The following ARAP2 variants were observed in gnomAD, a reference collection of about 807,000 sequenced individuals.
The protein encoded by ARAP2 is ArfGAP with RhoGAP domain, ankyrin repeat and PH domain 2.
A neutral mutation model predicts 194.5 loss-of-function variants in ARAP2; 148 were observed. The ratio of observed to expected loss-of-function variants is 0.76; its 90% CI spans 0.67 to 0.87. ARAP2 has a LOEUF of 0.87. ARAP2 is among the 40% of genes least tolerant of loss of function. ARAP2 has a pLI of 0.00. For missense variants in ARAP2, 2,128 were observed against 1,989.7 expected (o/e 1.07, Z -1.32); for synonymous variants, 695 against 683.5 (o/e 1.02, Z -0.26).
chr4:36,092,105 T>G, intron 27 of ARAP2, 85 bp from the exon 28 acceptor site: 1 of 1,376,780 alleles, frequency 7.3e-7, no homozygotes, highest in Non-Finnish European at 9.7e-7. Context: ...TATTGTCATA[T>G]AGAAAAAATA....
chr4:36,025,587 A>C (rs1717758382), intron 5 of ARAP2, among the ~76,000 whole-genome samples: 1 of 152,020 alleles, frequency 6.6e-6, no homozygotes, highest in Non-Finnish European at 1.5e-5. Context: ...TTCAATCTCA[A>C]TTTTTGGACG....
Position 36,229,489 on chromosome 4 carries a change from T to C in ARAP2, c.-3A>G, listed in dbSNP as rs137867207. 1,180 of 1,596,742 alleles carry C rather than the reference T, an allele frequency of 7.4e-4. 1 individual carries two copies. The highest frequency in any genetic ancestry group is 3.1e-3 in the Admixed American group (183 of 58,704). Reference sequence around the variant, plus strand: ...TTTACTTCACTGACTGAGGACATAATGGTGGCTTCATTACTAAGCTGAGTT... The same window carrying C: ...TTTACTTCACTGACTGAGGACATAACGGTGGCTTCATTACTAAGCTGAGTT... On this transcript the variant is annotated 5_prime_UTR_variant, in exon 2 of 33. Transcript: ENST00000303965.
intron 3 of ARAP2, chr4:36,046,980 T>C (rs530233297): frequency 1.3e-5 from 2 of 152,328 alleles, no homozygotes; most frequent in South Asian, 2.1e-4. Flanking sequence ...AAGAAGCATA[T>C]ATTCCGGGTG....
intron 2 of ARAP2, among the ~76,000 whole-genome samples, chr4:36,053,070 C>T (rs1422687195): frequency 1.3e-5 from 2 of 151,912 alleles, no homozygotes; most frequent in Non-Finnish European, 2.9e-5. Context: ...TGCAGTGGCG[C>T]GTTCTTGGCT....
chr4:36,229,283 C>A lies in ARAP2; in HGVS notation c.204G>T (p.Leu68Phe), dbSNP rs150452906. The A allele has an allele frequency of 2.5e-6, 4 of 1,613,840 alleles. No homozygotes were observed. Among genetic ancestry groups the A allele is most frequent in the Non-Finnish European group, 3.4e-6 (4 of 1,179,938 alleles). The stretch of plus-strand genomic sequence containing the variant: ...ATATTGGAATATCTTGCATTTTTGA[C>A]AAGATTATCTGTAACTGTTTAAGTA... Reference protein sequence around the residue: ...RRILKQLQIILSKMQDIPIYA... With the variant: ...RRILKQLQIIFSKMQDIPIYA... The change falls in exon 2 of 33, where the codon TTG becomes TTT. Residue 68 changes from leucine (L) to phenylalanine (F), a missense_variant. Coordinates refer to ENST00000303965, the MANE Select transcript of ARAP2 (RefSeq NM_015230.4).
At chr4:36,106,943 TAAC>T (rs1451311166) in intron 27 of ARAP2, among the ~76,000 whole-genome samples, 4 of 152,018 alleles carry the variant, frequency 2.6e-5, no homozygotes, top group East Asian at 1.9e-4. Context: ...TTTCAGTTGA[TAAC>T]AACACAACAG....
chr4:36,244,744 G>A (rs146497508), upstream of ARAP2, among the ~76,000 whole-genome samples: 3 of 152,266 alleles, frequency 2.0e-5, no homozygotes, highest in African/African-American at 4.8e-5. Context: ...GAGCGACAGG[G>A]GCATTACCCA....
intron 8 of ARAP2, chr4:36,012,967 ATAGTC>A (rs758422172): frequency 1.3e-4 from 20 of 152,354 alleles, no homozygotes; most frequent in African/African-American, 4.3e-4. Flanking sequence ...AAATAAAATT[ATAGTC>A]TAAAGTTTTG....
chr4:36,207,281 C>T (rs929984295), intron 6 of ARAP2, among the ~76,000 whole-genome samples: 2 of 152,096 alleles, frequency 1.3e-5, no homozygotes, highest in African/African-American at 4.8e-5. Flanking sequence ...TCCTCAAAAC[C>T]CAGTGAGAGG....
At chr4:36,228,063 C>T (rs563970778) in intron 2 of ARAP2, among the ~76,000 whole-genome samples, 11 of 152,242 alleles carry the variant, frequency 7.2e-5, no homozygotes, top group South Asian at 2.1e-4. Context: ...GACTTCTATA[C>T]GAGACTGCAA....
chr4:36,218,451 C>A (rs554505235), intron 2 of ARAP2, among the ~76,000 whole-genome samples: 1 of 151,208 alleles, frequency 6.6e-6, no homozygotes, highest in South Asian at 2.1e-4. Flanking sequence ...AAAAAAAAAA[C>A]AGAGATCCAA....
chr4:36,203,979 ATAAAAAGAACAG>A (rs1288844589), intron 6 of ARAP2, among the ~76,000 whole-genome samples: 2 of 152,212 alleles, frequency 1.3e-5, no homozygotes, highest in African/African-American at 4.8e-5. Flanking sequence ...ACACTATGCC[ATAAAAAGAACAG>A]TCAAAAGAAC....
intron 5 of ARAP2, among the ~76,000 whole-genome samples, chr4:36,045,744 T>C (rs905247858): frequency 6.6e-6 from 1 of 152,212 alleles, no homozygotes; most frequent in African/African-American, 2.4e-5. Context: ...GTGATAGATA[T>C]GCTAATTAGA....
intron 24 of ARAP2, 131 bp from the exon 25 acceptor site, chr4:36,117,266 C>A (rs1282833849): frequency 1.9e-5 from 11 of 592,142 alleles, no homozygotes; most frequent in Non-Finnish European, 2.7e-5. Flanking sequence ...GCTCAATTCC[C>A]CTGCTCACAA....
chr4:36,155,364 C>T (rs745836047), intron 15 of ARAP2, among the ~76,000 whole-genome samples: 1 of 152,194 alleles, frequency 6.6e-6, no homozygotes, highest in Non-Finnish European at 1.5e-5. Flanking sequence ...TGGGCTCACA[C>T]TTTAGCAGGG....
chr4:36,091,889 C>T lies in ARAP2; in HGVS notation c.4417G>A (p.Asp1473Asn), dbSNP rs1713762006. The T allele has an allele frequency of 1.2e-6, 2 of 1,601,714 alleles. No homozygotes were observed. The highest frequency in any genetic ancestry group is 1.7e-6 in the Non-Finnish European group (2 of 1,171,188). The change falls in exon 28 of 33, where the codon GAT (aspartate) becomes AAT (asparagine). Residue 1473 changes from aspartate (D) to asparagine (N), a missense_variant. Transcript: ENST00000303965. ...LRDGFLFLYKDVKSSKHDKMF... is the reference protein window; with the variant it reads ...LRDGFLFLYKNVKSSKHDKMF... ...ATGTTCAAATACTATACCTTCACAT[C>T]CTTGTAAAGAAAGAGAAACCCATCT...
At chr4:36,160,275 C>G in intron 13 of ARAP2, 184 bp downstream of exon 13, 1 of 1,203,048 alleles carries the variant, frequency 8.3e-7, no homozygotes, top group Non-Finnish European at 1.0e-6. Context: ...AATTTATGCT[C>G]TTTTGACAAT....
At chr4:36,109,476 C>T (rs1259924791) in intron 26 of ARAP2, among the ~76,000 whole-genome samples, 1 of 151,790 alleles carries the variant, frequency 6.6e-6, no homozygotes, top group Non-Finnish European at 1.5e-5. Flanking sequence ...AACAGAAAGA[C>T]TCACAGACAA....
chr4:36,015,013 T>C (rs956954515), intron 8 of ARAP2, among the ~76,000 whole-genome samples: 1 of 152,122 alleles, frequency 6.6e-6, no homozygotes, highest in Admixed American at 6.5e-5. Flanking sequence ...GTTTTGAGTA[T>C]GAAAAAAGTG....
Sources: gnomAD v4.1 joint callset for allele counts (sites outside exome capture counted in the v4.1 genomes callset) on GRCh38, gnomAD v4.1.1 for gene constraint, MANE v1.5 for transcripts, NCBI Gene and HGNC (gene_info 2026-07-23, HGNC 2026-07-21) for gene names.